The following DYNC1I1 variants were observed in gnomAD, a reference collection of about 807,000 sequenced individuals.
The protein encoded by DYNC1I1 is dynein cytoplasmic 1 intermediate chain 1.
Under a neutral mutation model 86.6 loss-of-function variants are expected in DYNC1I1, and 43 were observed. The observed-to-expected ratio is 0.50, with a 90% confidence interval of 0.39 to 0.64. The LOEUF (loss-of-function observed/expected upper bound fraction) is 0.64, where lower values mean the gene tolerates loss of function less well. Ranked by LOEUF, DYNC1I1 falls within the 30% of genes least tolerant of loss-of-function variation. The pLI, the probability that DYNC1I1 is intolerant of heterozygous loss-of-function variation, is 0.00. For missense variants in DYNC1I1, 604 were observed against 788.8 expected (o/e 0.77, Z 2.81); for synonymous variants, 262 against 283.7 (o/e 0.92, Z 0.77).
At chr7:95,941,807 C>T (rs1192701465) in intron 6 of DYNC1I1, among the ~76,000 whole-genome samples, 14 of 152,136 alleles carry the variant, frequency 9.2e-5, no homozygotes, top group Non-Finnish European at 1.3e-4. Context: ...GCACTGCACC[C>T]ACTGTCCTGC....
At chr7:96,098,539 A>C (rs1791078767), downstream of DYNC1I1, 1 of 646,976 alleles carries the variant, frequency 1.5e-6, no homozygotes, top group African/African-American at 2.0e-5. Flanking sequence ...TCATGAATTT[A>C]TTTGAGCAGC....
chr7:95,825,778 G>A (rs762271947), intron 4 of DYNC1I1, among the ~76,000 whole-genome samples: 2 of 152,190 alleles, frequency 1.3e-5, no homozygotes, highest in Non-Finnish European at 2.9e-5. Flanking sequence ...ATGTATTTGA[G>A]CTTCAGTGAT....
intron 6 of DYNC1I1, among the ~76,000 whole-genome samples, chr7:95,966,126 A>G (rs1268132877): frequency 2.6e-5 from 4 of 152,182 alleles, no homozygotes; most frequent in Non-Finnish European, 5.9e-5. Flanking sequence ...TACTTCTATA[A>G]TAGGAGATAC....
At chr7:96,099,032 A>T (rs1584320994), downstream of DYNC1I1, among the ~76,000 whole-genome samples, 1 of 152,212 alleles carries the variant, frequency 6.6e-6, no homozygotes, top group African/African-American at 2.4e-5. Flanking sequence ...CTTTGTAAAC[A>T]ATAAAAATTT....
At chr7:95,867,762 A>C (rs1473064794) in intron 5 of DYNC1I1, among the ~76,000 whole-genome samples, 3 of 152,156 alleles carry the variant, frequency 2.0e-5, no homozygotes, top group Non-Finnish European at 4.4e-5. Context: ...GGTGGCCTCA[A>C]TTTGAAGTGG....
At chr7:95,996,404 C>T (rs986987135) in intron 10 of DYNC1I1, among the ~76,000 whole-genome samples, 3 of 152,332 alleles carry the variant, frequency 2.0e-5, no homozygotes, top group East Asian at 1.9e-4. Flanking sequence ...TGCCCACCCA[C>T]GTGGACATCC....
chr7:95,924,136 C>A (rs1397139535), intron 6 of DYNC1I1, among the ~76,000 whole-genome samples: 1 of 152,096 alleles, frequency 6.6e-6, no homozygotes, highest in South Asian at 2.1e-4. Context: ...AGCATCTCCC[C>A]AAGTTTCTTT....
rs563742379 is a variant in DYNC1I1 at position 96,009,303 on chromosome 7, A to C, written c.969+13230A>C. ...GCAGCTTGCAATGACTCCAGCACTCAAGCCCCAAGGCCTTGCCCTCTGCCC... is the reference window on the plus strand; with the variant it reads ...GCAGCTTGCAATGACTCCAGCACTCCAGCCCCAAGGCCTTGCCCTCTGCCC... On this transcript the variant is annotated intron_variant, in intron 10 of 16. Coordinates refer to ENST00000447467, the MANE Select transcript of DYNC1I1 (RefSeq NM_001135556.2). Among the ~76,000 whole-genome samples the C allele has an allele frequency of 7.2e-5, 11 of 152,286 alleles. No individual in the cohort carries two copies. In the East Asian group the frequency reaches 7.7e-4, roughly 11 times the overall value.
chr7:95,804,785 C>A lies in DYNC1I1; in HGVS notation c.56C>A (p.Ala19Glu). Reference protein sequence around the residue: ...AELERKKQRLAQIREEKKRKE... With the variant: ...AELERKKQRLEQIREEKKRKE... ...CTAGAGCGCAAAAAGCAGCGCTTAG[C>A]ACAGATAAGAGAAGAGAAGAAACGG... Residue 19 changes from alanine (A) to glutamate (E), a missense_variant, in exon 2 of 17, where the codon GCA (alanine) becomes GAA (glutamate). Transcript: ENST00000447467. 6.3e-7 allele frequency: 1 copy of A among 1,589,752 alleles called. No homozygotes were observed. The highest frequency in any genetic ancestry group is 8.6e-7 in the Non-Finnish European group (1 of 1,166,680).
At chr7:95,781,781 T>C (rs1794000073) in intron 1 of DYNC1I1, among the ~76,000 whole-genome samples, 1 of 152,200 alleles carries the variant, frequency 6.6e-6, no homozygotes, top group South Asian at 2.1e-4. Context: ...TAATGACATT[T>C]AGTACTTTCT....
intron 6 of DYNC1I1, among the ~76,000 whole-genome samples, chr7:95,874,851 A>G (rs748491707): frequency 6.6e-6 from 1 of 152,230 alleles, no homozygotes; most frequent in Non-Finnish European, 1.5e-5. Flanking sequence ...CACCCAGTTT[A>G]TGCTATTTTT....
chr7:95,873,019 C>T lies in DYNC1I1; in HGVS notation c.490+3021C>T, dbSNP rs189741537. Among the ~76,000 whole-genome samples the T allele has an allele frequency of 9.7e-4, 147 of 152,308 alleles. 1 individual carries two copies. The highest frequency in any genetic ancestry group is 3.4e-3 in the African/African-American group (141 of 41,566). ...GACATCTCTAGAAACACCAAGTTCACTATGTTCCCCCTGGGGGAATGAGAA... is the reference window on the plus strand; with the variant it reads ...GACATCTCTAGAAACACCAAGTTCATTATGTTCCCCCTGGGGGAATGAGAA... On this transcript the variant is annotated intron_variant, in intron 6 of 16. Coordinates refer to ENST00000447467, the MANE Select transcript of DYNC1I1 (RefSeq NM_001135556.2).
chr7:96,094,653 T>C (rs1790949766), intron 16 of DYNC1I1, among the ~76,000 whole-genome samples: 2 of 152,210 alleles, frequency 1.3e-5, no homozygotes, highest in Admixed American at 1.3e-4. Flanking sequence ...CAAGCTAAGA[T>C]GATACTTAAA....
At chr7:95,955,815 T>C (rs1195134107) in intron 6 of DYNC1I1, among the ~76,000 whole-genome samples, 1 of 152,206 alleles carries the variant, frequency 6.6e-6, no homozygotes, top group South Asian at 2.1e-4. Context: ...AGTTTTCTCA[T>C]TCACTCTTAA....
chr7:95,875,442 T>A (rs555733416), intron 6 of DYNC1I1, among the ~76,000 whole-genome samples: 1 of 152,302 alleles, frequency 6.6e-6, no homozygotes, highest in Admixed American at 6.5e-5. Flanking sequence ...ATACCACTAG[T>A]TGACATGGAG....
At chr7:95,854,818 A>C (rs758239968) in intron 5 of DYNC1I1, among the ~76,000 whole-genome samples, 34 of 152,196 alleles carry the variant, frequency 2.2e-4, no homozygotes, top group Non-Finnish European at 4.3e-4. Flanking sequence ...GACACAAAAA[A>C]AATAGTGACG....
chr7:95,966,018 C>A (rs1003898743), intron 6 of DYNC1I1, among the ~76,000 whole-genome samples: 1 of 152,132 alleles, frequency 6.6e-6, no homozygotes, highest in Non-Finnish European at 1.5e-5. Flanking sequence ...CAATACAACA[C>A]CCAATCCAGT....
chr7:96,039,148 T>G, intron 13 of DYNC1I1, 129 bp from the exon 14 acceptor site: 1 of 960,810 alleles, frequency 1.0e-6, no homozygotes, highest in South Asian at 2.1e-5. Flanking sequence ...ATGATTTCAT[T>G]TTGGTGGTGT....
intron 6 of DYNC1I1, among the ~76,000 whole-genome samples, chr7:95,917,236 C>G (rs375082348): frequency 2.6e-5 from 4 of 152,192 alleles, no homozygotes; most frequent in Admixed American, 2.0e-4. Context: ...ACGGGGTGTC[C>G]GTGGCTTCGG....
Sources: gnomAD v4.1 joint callset for allele counts (sites outside exome capture counted in the v4.1 genomes callset) on GRCh38, gnomAD v4.1.1 for gene constraint, MANE v1.5 for transcripts, NCBI Gene and HGNC (gene_info 2026-07-23, HGNC 2026-07-21) for gene names.